Variants in MRPS28 observed in about 807,000 individuals in gnomAD.
The protein encoded by MRPS28 is small ribosomal subunit protein bS1m.
Under a neutral mutation model 10.8 loss-of-function variants are expected in MRPS28, and 7 were observed. The observed-to-expected ratio is 0.65, with a 90% CI of 0.37 to 1.22. The LOEUF (loss-of-function observed/expected upper bound fraction) is 1.22, where lower values mean the gene tolerates loss of function less well. Among genes scored for constraint, MRPS28 ranks in the 50% most tolerant of loss-of-function variants. The pLI, the probability that MRPS28 is intolerant of heterozygous loss-of-function variation, is 0.02. For missense variants in MRPS28, 265 were observed against 232.9 expected (o/e 1.14, Z -0.90); for synonymous variants, 121 against 93.3 (o/e 1.30, Z -1.71).
intron 1 of MRPS28, among the ~76,000 whole-genome samples, chr8:80,006,408 A>T (rs1586091940): frequency 6.6e-6 from 1 of 152,246 alleles, no homozygotes; most frequent in East Asian, 1.9e-4. Context: ...TGAACGCAGA[A>T]ATAACTAAGA....
At chr8:79,950,814 A>C (rs1419009866) in intron 2 of MRPS28, among the ~76,000 whole-genome samples, 1 of 152,206 alleles carries the variant, frequency 6.6e-6, no homozygotes, top group Non-Finnish European at 1.5e-5. Context: ...CTGGAGTCAG[A>C]TGTGAAGTCA....
chr8:79,984,632 C>T (rs556910246), intron 2 of MRPS28, among the ~76,000 whole-genome samples: 2 of 152,066 alleles, frequency 1.3e-5, no homozygotes, highest in Admixed American at 1.3e-4. Context: ...ATCCTAGTCT[C>T]TGATAAAACA....
intron 2 of MRPS28, 105 bp downstream of exon 2, chr8:80,002,894 T>C (rs1364234977): frequency 2.1e-6 from 2 of 970,260 alleles, no homozygotes; most frequent in Non-Finnish European, 3.0e-6. Context: ...GACAAATAAA[T>C]ATGTTTTCTG....
At chr8:79,924,066 T>C (rs928069441) in intron 2 of MRPS28, among the ~76,000 whole-genome samples, 3 of 152,158 alleles carry the variant, frequency 2.0e-5, no homozygotes, top group Non-Finnish European at 4.4e-5. Context: ...AGCCAACAAA[T>C]ACAAAGCTTG....
rs1323549839 is a variant in MRPS28 at position 80,030,023 on chromosome 8, G to A, written c.213+13C>T. The A allele has an allele frequency of 3.7e-6, 6 of 1,610,724 alleles. No homozygotes were observed. Among genetic ancestry groups the A allele is most frequent in the Non-Finnish European group, 5.1e-6 (6 of 1,178,428 alleles). ...TAATTCCCGCGACTCCCTCTCACCC[G>A]CCCGGGCTCCACCTTCTGTAGGGGC... On this transcript the variant is annotated intron_variant, in intron 1 of 2. Transcript: ENST00000276585.
At chr8:79,979,669 G>A (rs1041976723) in intron 2 of MRPS28, among the ~76,000 whole-genome samples, 2 of 151,848 alleles carry the variant, frequency 1.3e-5, no homozygotes, top group Non-Finnish European at 2.9e-5. Context: ...GATTACAGGT[G>A]TGAGCCACTG....
At chr8:80,027,950 G>A (rs544532828) in intron 1 of MRPS28, among the ~76,000 whole-genome samples, 2 of 152,248 alleles carry the variant, frequency 1.3e-5, no homozygotes, top group Admixed American at 1.3e-4. Context: ...AAAATCTAAC[G>A]GATGTGCTGG....
intron 2 of MRPS28, among the ~76,000 whole-genome samples, chr8:79,976,629 CA>C (rs1239037386): frequency 6.6e-6 from 1 of 152,028 alleles, no homozygotes; most frequent in Non-Finnish European, 1.5e-5. Context: ...TTGCTTCAAC[CA>C]GGGAGGTGAT....
At chr8:79,948,797 T>C (rs1807000718) in intron 2 of MRPS28, among the ~76,000 whole-genome samples, 1 of 152,196 alleles carries the variant, frequency 6.6e-6, no homozygotes, top group Admixed American at 6.5e-5. Context: ...CGAACTTACA[T>C]TGCCAGGATA....
chr8:79,994,826 C>G (rs1052195325), intron 2 of MRPS28, among the ~76,000 whole-genome samples: 1 of 152,022 alleles, frequency 6.6e-6, no homozygotes, highest in African/African-American at 2.4e-5. Flanking sequence ...GGTCATCTCC[C>G]CACTCTCCCA....
intron 2 of MRPS28, among the ~76,000 whole-genome samples, chr8:79,935,977 T>C (rs1466631726): frequency 6.6e-6 from 1 of 151,788 alleles, no homozygotes; most frequent in Non-Finnish European, 1.5e-5. Flanking sequence ...AATCCTCTAG[T>C]GCACTGATAA....
At chr8:79,927,773 C>T (rs1806331609) in intron 2 of MRPS28, among the ~76,000 whole-genome samples, 1 of 152,178 alleles carries the variant, frequency 6.6e-6, no homozygotes, top group African/African-American at 2.4e-5. Flanking sequence ...GATGAGACTT[C>T]ATGGATCCCT....
At chr8:79,982,268 G>T (rs1423299838) in intron 2 of MRPS28, among the ~76,000 whole-genome samples, 1 of 152,088 alleles carries the variant, frequency 6.6e-6, no homozygotes, top group African/African-American at 2.4e-5. Flanking sequence ...GAAAAGAAAA[G>T]AAAGAGATGG....
At chr8:80,002,423 G>C (rs944194978) in intron 2 of MRPS28, among the ~76,000 whole-genome samples, 1 of 151,912 alleles carries the variant, frequency 6.6e-6, no homozygotes, top group Non-Finnish European at 1.5e-5. Flanking sequence ...CTTCTATCTC[G>C]TTTACTATTG....
intron 2 of MRPS28, among the ~76,000 whole-genome samples, chr8:79,990,338 T>A (rs1808325056): frequency 6.6e-6 from 1 of 152,120 alleles, no homozygotes; most frequent in Admixed American, 6.5e-5. Context: ...AACAGGCTCT[T>A]CTAGCTTTCT....
At chr8:80,018,887 G>A (rs922066721) in intron 1 of MRPS28, among the ~76,000 whole-genome samples, 1 of 152,190 alleles carries the variant, frequency 6.6e-6, no homozygotes, top group Admixed American at 6.5e-5. Context: ...CGTGAAATAA[G>A]CCAGGCACAG....
intron 2 of MRPS28, among the ~76,000 whole-genome samples, chr8:79,976,661 G>A (rs1451158597): frequency 6.6e-6 from 1 of 152,032 alleles, no homozygotes; most frequent in Non-Finnish European, 1.5e-5. Flanking sequence ...AGCTGAGATC[G>A]CGCCACTGCA....
intron 2 of MRPS28, among the ~76,000 whole-genome samples, chr8:79,938,516 G>T: frequency 6.6e-6 from 1 of 151,006 alleles, no homozygotes; most frequent in Non-Finnish European, 1.5e-5. Context: ...ATTCTTTTTG[G>T]TAAAAAAATA....
chr8:80,017,077 A>G (rs894583939), intron 1 of MRPS28, among the ~76,000 whole-genome samples: 7 of 152,242 alleles, frequency 4.6e-5, no homozygotes, highest in Non-Finnish European at 7.3e-5. Context: ...ACAAATTTAA[A>G]GGAATAGAAA....
Sources: allele counts gnomAD v4.1 joint callset (sites outside exome capture counted in the v4.1 genomes callset), GRCh38; gene constraint gnomAD v4.1.1; transcripts MANE v1.5; gene names NCBI Gene and HGNC (gene_info 2026-07-23, HGNC 2026-07-21).